The following TMF1 variants were observed in gnomAD, a reference collection of about 807,000 sequenced individuals.
TMF1 encodes the protein TATA element modulatory factor 1, also known as TATA element modulatory factor.
In TMF1, 71 loss-of-function variants were observed where a neutral mutation model predicts 126.5. The observed-to-expected ratio is 0.56, with a 90% CI of 0.46 to 0.68. The LOEUF (loss-of-function observed/expected upper bound fraction) is 0.68, where lower values mean the gene tolerates loss of function less well. Ranked by LOEUF, TMF1 falls within the 30% of genes least tolerant of loss-of-function variation. The pLI is 0.00. For synonymous variants in TMF1, 461 were observed against 430.5 expected (o/e 1.07, Z -0.88); for missense variants, 1,259 against 1,253.2 (o/e 1.00, Z -0.07).
At chr3:69,045,276 G>A (rs942958907) in intron 2 of TMF1, among the ~76,000 whole-genome samples, 1 of 151,860 alleles carries the variant, frequency 6.6e-6, no homozygotes, top group African/African-American at 2.4e-5. Context: ...TGGCCAACAC[G>A]GTGAAAACCA....
At chr3:69,025,512 G>T in intron 15 of TMF1, 48 bp downstream of exon 15, 1 of 1,529,678 alleles carries the variant, frequency 6.5e-7, no homozygotes, top group Non-Finnish European at 8.9e-7. Context: ...TATTTATTAG[G>T]CCTCAAAACT....
intron 4 of TMF1, among the ~76,000 whole-genome samples, chr3:69,043,450 G>T (rs377563526): frequency 2.6e-5 from 4 of 152,008 alleles, no homozygotes; most frequent in African/African-American, 9.7e-5. Flanking sequence ...GACCACAGGC[G>T]CACACCAGCA....
At chr3:69,023,875 A>G (rs1489146900) in intron 16 of TMF1, among the ~76,000 whole-genome samples, 180 bp downstream of exon 16, 1 of 152,166 alleles carries the variant, frequency 6.6e-6, no homozygotes. Flanking sequence ...TGTGAAAATT[A>G]CTTTGAATAT....
chr3:69,028,711 G>C (rs1375673562), intron 11 of TMF1, among the ~76,000 whole-genome samples: 1 of 77,924 alleles, frequency 1.3e-5, no homozygotes, highest in Non-Finnish European at 2.8e-5. Flanking sequence ...AATTTCCAAG[G>C]AAGAACAGAG....
At position 69,048,189 on chromosome 3, in the gene TMF1, T is replaced by G. The variant is rs2107470483; in HGVS notation, c.516A>C (p.Lys172Asn). 6.2e-7 allele frequency: 1 copy of G among 1,614,194 alleles called. No individual in the cohort carries two copies. Among genetic ancestry groups the G allele is most frequent in the East Asian group, 2.2e-5 (1 of 44,886 alleles). ...ETLAAGTSSP[K>N]TEGKHEETVN... ...CAGTTTCTTCGTGCTTGCCTTCAGT[T>G]TTAGGTGATGAAGTACCTGCTGCCA... Residue 172 changes from lysine to asparagine, a missense_variant, in exon 2 of 17, where the codon AAA (lysine) becomes AAC (asparagine). Transcript: ENST00000398559.
chr3:69,031,844 T>G (rs2091804862), intron 10 of TMF1, among the ~76,000 whole-genome samples: 1 of 152,216 alleles, frequency 6.6e-6, no homozygotes, highest in South Asian at 2.1e-4. Flanking sequence ...TACCACATAT[T>G]GCTGAGGGTA....
chr3:69,049,550 T>G (rs530031331), intron 1 of TMF1, among the ~76,000 whole-genome samples: 13 of 152,188 alleles, frequency 8.5e-5, no homozygotes, highest in Non-Finnish European at 1.9e-4. Flanking sequence ...TAAGAGGAAG[T>G]TTTGTTCTCA....
intron 8 of TMF1, among the ~76,000 whole-genome samples, chr3:69,036,418 G>A (rs889687136): frequency 3.9e-5 from 6 of 152,124 alleles, no homozygotes; most frequent in Non-Finnish European, 7.4e-5. Flanking sequence ...AATAAAACAA[G>A]TTATAAAACA....
intron 1 of TMF1, chr3:69,049,021 A>G (rs2091911815): frequency 1.3e-5 from 2 of 155,488 alleles, no homozygotes; most frequent in African/African-American, 4.8e-5. Context: ...CTACCTATTC[A>G]GTCAGTTTCA....
Position 69,047,381 on chromosome 3 carries a change from A to T in TMF1, c.1324T>A (p.Ser442Thr). 6 of 1,592,720 alleles carry T rather than the reference A, an allele frequency of 3.8e-6. No individual in the cohort carries two copies. The highest frequency in any genetic ancestry group is 5.1e-6 in the Non-Finnish European group (6 of 1,167,528). The change falls in exon 2 of 17, where the codon TCT becomes ACT. Residue 442 changes from serine to threonine, a missense_variant. By Grantham distance (58) the Ser-to-Thr change is moderately conservative (BLOSUM62 1). Transcript: ENST00000398559. ...ACCTTGCAAACATCTTCCTTCTCAGAAAGTGCTTCTGGCTGACTTTCAGCA... is the reference window on the plus strand; with the variant it reads ...ACCTTGCAAACATCTTCCTTCTCAGTAAGTGCTTCTGGCTGACTTTCAGCA... ...EPAESQPEAL[S>T]EKEDVCKTVE...
intron 8 of TMF1, 62 bp downstream of exon 8, chr3:69,038,502 T>A: frequency 6.5e-7 from 1 of 1,543,096 alleles, no homozygotes; most frequent in Non-Finnish European, 8.8e-7. Context: ...GCTAATTGTT[T>A]AATTTGTAGA....
chr3:69,030,910 A>G (rs1367859807), intron 10 of TMF1, among the ~76,000 whole-genome samples: 1 of 152,218 alleles, frequency 6.6e-6, no homozygotes, highest in African/African-American at 2.4e-5. Context: ...TTATCTAGAG[A>G]AATGAAAACT....
rs753734674 is a variant in TMF1, at chr3:69,047,736, A to G, written c.969T>C (p.Phe323=). The G allele has an allele frequency of 1.8e-5, 29 of 1,614,092 alleles. 1 individual carries two copies. The African/African-American group carries it at 2.1e-4, about 12-fold the overall frequency. Residue 323 remains phenylalanine, a synonymous_variant, in exon 2 of 17, where the codon TTT becomes TTC. Transcript: ENST00000398559. ...GTACACTAAATGAGTCTATTCTTTCAAAAGCATCAGATGAACAGCAACTCT... is the reference window on the plus strand; with the variant it reads ...GTACACTAAATGAGTCTATTCTTTCGAAAGCATCAGATGAACAGCAACTCT... The part of the protein sequence containing the change: ...LTESCCSSDA[F]ERIDSFSVQS...
intron 1 of TMF1, among the ~76,000 whole-genome samples, chr3:69,051,072 C>G (rs2091925269): frequency 6.6e-6 from 1 of 152,208 alleles, no homozygotes; most frequent in African/African-American, 2.4e-5. Flanking sequence ...TTCTAATCCT[C>G]CTCCGCCGTG....
intron 9 of TMF1, 163 bp downstream of exon 9, chr3:69,034,860 G>A: frequency 1.6e-6 from 1 of 639,756 alleles, no homozygotes; most frequent in East Asian, 2.6e-5. Context: ...TAATTTTTAA[G>A]GTGCCCACTC....
At chr3:69,026,236 A>C (rs2091766533) in intron 13 of TMF1, 139 bp from the exon 14 acceptor site, 1 of 533,672 alleles carries the variant, frequency 1.9e-6, no homozygotes, top group Admixed American at 3.6e-5. Context: ...CAATACAATC[A>C]AAAGAAGAAA....
chr3:69,044,081 TAGAAAG>T (rs2091881963), intron 3 of TMF1, among the ~76,000 whole-genome samples: 2 of 152,282 alleles, frequency 1.3e-5, no homozygotes, highest in East Asian at 1.9e-4. Flanking sequence ...GAAAATCTGT[TAGAAAG>T]AGAAAATGTC....
intron 8 of TMF1, among the ~76,000 whole-genome samples, chr3:69,038,274 A>C (rs972707459): frequency 2.6e-4 from 39 of 152,208 alleles, no homozygotes; most frequent in African/African-American, 9.4e-4. Flanking sequence ...TCTCAAAATT[A>C]TATGCAATAT....
Position 69,023,298 on chromosome 3 carries a change from G to C in TMF1, c.3161C>G (p.Thr1054Ser). 6.2e-7 allele frequency: 1 copy of C among 1,610,186 alleles called. No individual in the cohort carries two copies. Among genetic ancestry groups the C allele is most frequent in the Non-Finnish European group, 8.5e-7 (1 of 1,178,592 alleles). The part of the protein sequence containing the change: ...QLRDLDQRYN[T>S]ILQMYGEKAE... The stretch of plus-strand genomic sequence containing the variant: ...TTTTTCTCCATACATCTGCAGAATA[G>C]TGTTGTACCTTTGATCCAAATCCTG... The change falls in exon 17 of 17, where the codon ACT (threonine) becomes AGT (serine). Residue 1054 changes from threonine to serine, a missense_variant. Coordinates refer to ENST00000398559, the MANE Select transcript of TMF1 (RefSeq NM_007114.3).
Sources: allele counts gnomAD v4.1 joint callset (sites outside exome capture counted in the v4.1 genomes callset), GRCh38; gene constraint gnomAD v4.1.1; transcripts MANE v1.5; gene names NCBI Gene and HGNC (gene_info 2026-07-23, HGNC 2026-07-21).